The following SLC12A2 variants were observed in gnomAD, a reference collection of about 807,000 sequenced individuals.
SLC12A2 encodes solute carrier family 12 member 2, also known as Na-K-2Cl cotransporter 1.
A neutral mutation model predicts 136.3 loss-of-function variants in SLC12A2; 67 were observed. The observed-to-expected ratio is 0.49, with a 90% CI of 0.40 to 0.60. The LOEUF (loss-of-function observed/expected upper bound fraction) is 0.60, where lower values mean the gene tolerates loss of function less well. Ranked by LOEUF, SLC12A2 falls within the 20% of genes least tolerant of loss-of-function variation. SLC12A2 has a pLI of 0.00. For synonymous variants in SLC12A2, 619 were observed against 562.9 expected, an observed-to-expected ratio of 1.10 and a Z score of -1.41; for missense variants, 1,322 against 1,534.7, an observed-to-expected ratio of 0.86 and a Z score of 2.32.
At chr5:128,110,899 C>A in intron 1 of SLC12A2, 2 of 1,091,458 alleles carry the variant, frequency 1.8e-6, no homozygotes, top group African/African-American at 1.5e-5. Context: ...AGTGAGTGGG[C>A]CGCAAATCTG....
At chr5:128,183,482 C>A (rs1763773661) in intron 24 of SLC12A2, among the ~76,000 whole-genome samples, 1 of 151,622 alleles carries the variant, frequency 6.6e-6, no homozygotes, top group Non-Finnish European at 1.5e-5. Context: ...TAGTAAGGTA[C>A]AATTTGTAAG....
intron 20 of SLC12A2, among the ~76,000 whole-genome samples, chr5:128,175,473 T>G (rs879279635): frequency 5.3e-5 from 8 of 152,092 alleles, no homozygotes; most frequent in Non-Finnish European, 8.8e-5. Flanking sequence ...ATTCCAGCAT[T>G]TATTTTAGTT....
intron 1 of SLC12A2, among the ~76,000 whole-genome samples, chr5:128,088,559 TG>T (rs200255330): frequency 6.7e-6 from 1 of 149,418 alleles, no homozygotes; most frequent in Admixed American, 7.0e-5. Flanking sequence ...TTTGTTTGTT[TG>T]TTTTTTGTGT....
At chr5:128,155,410 TTTA>T (rs1398021924) in intron 15 of SLC12A2, among the ~76,000 whole-genome samples, 3 of 152,152 alleles carry the variant, frequency 2.0e-5, no homozygotes, top group Non-Finnish European at 4.4e-5. Context: ...CCCAATACAT[TTTA>T]TATTATGATT....
At chr5:128,129,915 A>G (rs1561675716) in intron 4 of SLC12A2, among the ~76,000 whole-genome samples, 1 of 152,194 alleles carries the variant, frequency 6.6e-6, no homozygotes, top group Non-Finnish European at 1.5e-5. Context: ...AAGTTAGAAA[A>G]AATAACTTGC....
chr5:128,104,157 T>C (rs1159003611), intron 1 of SLC12A2, among the ~76,000 whole-genome samples: 3 of 152,068 alleles, frequency 2.0e-5, no homozygotes, highest in Admixed American at 1.3e-4. Flanking sequence ...ACCTGGAACA[T>C]TGATTAAAAG....
At chr5:128,117,175 A>G (rs985728027) in intron 4 of SLC12A2, among the ~76,000 whole-genome samples, 1 of 152,216 alleles carries the variant, frequency 6.6e-6, no homozygotes. Context: ...TTATCTGGGC[A>G]GGAAATGAGC....
Position 128,111,020 on chromosome 5 carries a change from A to C in SLC12A2, c.757-1794A>C, listed in dbSNP as rs1761124232. The C allele has an allele frequency of 4.2e-6, 3 of 717,674 alleles. No homozygotes were observed. The African/African-American group carries it at 5.3e-5, about 13-fold the overall frequency. 44.5% of individuals were successfully genotyped at this position (717,674 alleles called of 1,614,324 possible). ...TGATATGCAAAATAACTTCTATTAA[A>C]ATAATGGTGCTCTGAAGACTCTTAA... On this transcript the variant is annotated intron_variant, in intron 1 of 26. Coordinates refer to ENST00000262461, the MANE Select transcript of SLC12A2 (RefSeq NM_001046.3).
intron 17 of SLC12A2, among the ~76,000 whole-genome samples, chr5:128,166,742 A>G (rs1415218316): frequency 6.6e-6 from 1 of 152,122 alleles, no homozygotes; most frequent in Non-Finnish European, 1.5e-5. Flanking sequence ...AGTGTTGCTT[A>G]TATAACATTG....
intron 4 of SLC12A2, 49 bp downstream of exon 4, chr5:128,114,730 C>T: frequency 9.1e-7 from 1 of 1,100,080 alleles, no homozygotes; most frequent in South Asian, 1.3e-5. Context: ...TCTTACTAAA[C>T]AGAGGTCTAA....
intron 1 of SLC12A2, chr5:128,110,700 C>T: frequency 7.0e-7 from 1 of 1,428,424 alleles, no homozygotes; most frequent in Non-Finnish European, 9.9e-7. Context: ...CTCTGCAGCC[C>T]TGGAAACACT....
At chr5:128,122,905 G>A (rs1160533647) in intron 4 of SLC12A2, among the ~76,000 whole-genome samples, 1 of 151,932 alleles carries the variant, frequency 6.6e-6, no homozygotes. Flanking sequence ...TCAATGAAAT[G>A]TTTGAAGCAG....
chr5:128,127,220 C>T (rs534296508), intron 4 of SLC12A2, among the ~76,000 whole-genome samples: 21 of 137,322 alleles, frequency 1.5e-4, no homozygotes, highest in African/African-American at 4.2e-4. Flanking sequence ...CTCCCGGGTT[C>T]GTGCCATTCT....
At chr5:128,172,797 C>T (rs1763419214) in intron 19 of SLC12A2, among the ~76,000 whole-genome samples, 1 of 151,880 alleles carries the variant, frequency 6.6e-6, no homozygotes, top group Non-Finnish European at 1.5e-5. Context: ...CCCGTCTCTA[C>T]TAAAAATAGA....
intron 15 of SLC12A2, among the ~76,000 whole-genome samples, chr5:128,155,074 T>C (rs77897627): frequency 6.6e-6 from 1 of 152,112 alleles, no homozygotes; most frequent in Non-Finnish European, 1.5e-5. Flanking sequence ...CACTGCGATA[T>C]GCAACAGTTG....
intron 1 of SLC12A2, among the ~76,000 whole-genome samples, chr5:128,091,131 A>G (rs1183277752): frequency 3.3e-5 from 5 of 152,242 alleles, no homozygotes; most frequent in Non-Finnish European, 7.3e-5. Flanking sequence ...AGTGATTGAT[A>G]CAATGAGAGG....
chr5:128,157,960 GTA>G, intron 15 of SLC12A2, 91 bp from the exon 16 acceptor site: 2 of 972,760 alleles, frequency 2.1e-6, no homozygotes, highest in Non-Finnish European at 3.1e-6. Context: ...AAGGACAGTT[GTA>G]TACAGAAAGC....
rs1448632973 is a variant in SLC12A2 at position 128,084,759 on chromosome 5, A to AC, written c.756+51dup. On this transcript the variant is annotated intron_variant, in intron 1 of 26. Coordinates refer to ENST00000262461, the MANE Select transcript of SLC12A2 (RefSeq NM_001046.3). This position sits in a 1 kb window ranked among gnomAD's most constrained non-coding sequence, Gnocchi z 5.6. ...CTTCCCCAGCCCCTGGTGCATGCCG[A>AC]CCGCGGGATGTGGCTGCAGACTCTT... 6 of 1,491,282 alleles carry AC rather than the reference A, an allele frequency of 4.0e-6. No individual in the cohort carries two copies. The South Asian group carries it at 8.0e-5, about 20-fold the overall frequency. 92.4% of individuals were successfully genotyped at this position (1,491,282 alleles called of 1,614,324 possible). A position where few individuals can be genotyped will look rare whatever the true frequency, so the allele number is the denominator to read the frequency against.
At chr5:128,183,233 C>T (rs185830224) in intron 24 of SLC12A2, among the ~76,000 whole-genome samples, 1 of 152,162 alleles carries the variant, frequency 6.6e-6, no homozygotes, top group Admixed American at 6.5e-5. Context: ...CCCTGCTCTA[C>T]ATACCTATTA....
Sources: gnomAD v4.1 joint callset for allele counts (sites outside exome capture counted in the v4.1 genomes callset) on GRCh38, gnomAD v4.1.1 for gene constraint, Gnocchi (gnomAD v3.1) non-coding constraint, MANE v1.5 for transcripts, NCBI Gene and HGNC (gene_info 2026-07-23, HGNC 2026-07-21) for gene names.